The following CDH11 variants were observed in gnomAD, a reference collection of about 807,000 sequenced individuals.
The protein encoded by CDH11 is cadherin 11.
In CDH11, 11 loss-of-function variants were observed where a neutral mutation model predicts 67.8. The ratio of observed to expected loss-of-function variants is 0.16; its 90% CI spans 0.10 to 0.27. CDH11 has a LOEUF of 0.27. Among genes scored for constraint, CDH11 ranks in the 10% least tolerant of loss-of-function variants. CDH11 has a pLI of 1.00. For missense variants in CDH11, 847 were observed against 1,031.2 expected, an observed-to-expected ratio of 0.82 and a Z score of 2.45; for synonymous variants, 419 against 400.0, an observed-to-expected ratio of 1.05 and a Z score of -0.57.
intron 1 of CDH11, among the ~76,000 whole-genome samples, chr16:65,116,041 C>T (rs922065871): frequency 2.0e-5 from 3 of 152,194 alleles, no homozygotes; most frequent in Non-Finnish European, 4.4e-5. Context: ...CTTGGACTTA[C>T]TCTCTTCACC....
intron 2 of CDH11, among the ~76,000 whole-genome samples, chr16:65,047,559 C>T (rs1282084527): frequency 1.3e-5 from 2 of 151,920 alleles, no homozygotes; most frequent in Non-Finnish European, 2.9e-5. Context: ...ACCATGTTGG[C>T]CAGGATGGTC....
At position 65,005,127 on chromosome 16, in the gene CDH11, T is replaced by G. The variant is rs1454325492; in HGVS notation, c.-172-86A>C. 5 of 1,213,558 alleles carry G rather than the reference T, an allele frequency of 4.1e-6. No individual in the cohort carries two copies. The East Asian group carries it at 1.5e-4, about 37-fold the overall frequency. 75.2% of individuals were successfully genotyped at this position (1,213,558 alleles called of 1,614,324 possible). On this transcript the variant is annotated intron_variant, in intron 2 of 12. Transcript: ENST00000268603. ...TTCAGTAAGCCTTCAGGACTGGGCA[T>G]GAGTTTATCACGTGGGAGCTACGGG...
chr16:65,068,133 G>T (rs527388074), intron 1 of CDH11, among the ~76,000 whole-genome samples: 1 of 138,360 alleles, frequency 7.2e-6, no homozygotes, highest in African/African-American at 2.7e-5. Flanking sequence ...GAGGGAGGGG[G>T]CAGGGAGAGA....
intron 11 of CDH11, among the ~76,000 whole-genome samples, chr16:64,961,853 A>AT (rs2071683544): frequency 6.6e-6 from 1 of 152,132 alleles, no homozygotes; most frequent in Non-Finnish European, 1.5e-5. Context: ...TTAAACATTT[A>AT]TTTTTTAGTA....
chr16:64,955,117 G>A (rs191737232), intron 11 of CDH11, among the ~76,000 whole-genome samples: 1 of 151,920 alleles, frequency 6.6e-6, no homozygotes, highest in African/African-American at 2.4e-5. Context: ...TTGGTGGTGG[G>A]TGCCTGTAAT....
chr16:65,081,505 C>A (rs1360243606), intron 1 of CDH11, among the ~76,000 whole-genome samples: 1 of 150,780 alleles, frequency 6.6e-6, no homozygotes, highest in Non-Finnish European at 1.5e-5. Flanking sequence ...GGAGGCGGAG[C>A]TTGCAGTGAG....
intron 8 of CDH11, among the ~76,000 whole-genome samples, chr16:64,977,389 A>C (rs1013218426): frequency 2.0e-5 from 3 of 152,142 alleles, no homozygotes; most frequent in Admixed American, 2.0e-4. Flanking sequence ...CCAAATAATC[A>C]ATTGCAGATG....
In CDH11 at chr16:65,098,894, T is replaced by C. The variant is rs182567864; in HGVS notation, c.-298+22986A>G. Among the ~76,000 whole-genome samples the C allele has an allele frequency of 4.6e-5, 7 of 152,240 alleles. No individual in the cohort carries two copies. The East Asian group carries it at 1.4e-3, about 29-fold the overall frequency. ...GTAGTCTTCTAAATTTTTCTAAATA[T>C]CAGCACCTAAATCTGTTTAAAAAAG... is the stretch of plus-strand genomic sequence containing the variant. On this transcript the variant is annotated intron_variant, in intron 1 of 12. Coordinates refer to ENST00000268603, the MANE Select transcript of CDH11 (RefSeq NM_001797.4).
At chr16:65,011,028 C>A (rs939035568) in intron 2 of CDH11, among the ~76,000 whole-genome samples, 10 of 145,404 alleles carry the variant, frequency 6.9e-5, no homozygotes, top group Non-Finnish European at 9.0e-5. Flanking sequence ...TATATATATA[C>A]ACACATATGT....
At chr16:65,071,286 C>T (rs1389952705) in intron 1 of CDH11, among the ~76,000 whole-genome samples, 1 of 152,178 alleles carries the variant, frequency 6.6e-6, no homozygotes, top group African/African-American at 2.4e-5. Flanking sequence ...CACATAGCAA[C>T]GGAAAATGCC....
rs779006250 is a variant in CDH11 at position 64,982,028 on chromosome 16, TA to T, written c.1253+19del. 2 of 1,575,678 alleles carry T rather than the reference TA, an allele frequency of 1.3e-6. No individual in the cohort carries two copies. The highest frequency in any genetic ancestry group is 2.4e-5 in the South Asian group (2 of 84,502). On this transcript the variant is annotated intron_variant, in intron 8 of 12. Transcript: ENST00000268603. ...CTCTAAAATTCCCCATCCAAGCTCT[TA>T]AAATAAATCCGTCTGTACCTTATCG...
intron 4 of CDH11, among the ~76,000 whole-genome samples, chr16:64,995,573 C>A (rs2072742959): frequency 1.3e-5 from 2 of 152,156 alleles, no homozygotes; most frequent in Admixed American, 1.3e-4. Context: ...CCTACCTTTC[C>A]CCATATACAA....
At chr16:65,106,600 C>G (rs1218566662) in intron 1 of CDH11, among the ~76,000 whole-genome samples, 1 of 152,178 alleles carries the variant, frequency 6.6e-6, no homozygotes, top group East Asian at 1.9e-4. Context: ...GACCTTAATG[C>G]TGCATAACAG....
At chr16:64,963,816 GAGAGAA>G (rs1778633744) in intron 11 of CDH11, among the ~76,000 whole-genome samples, 2 of 152,124 alleles carry the variant, frequency 1.3e-5, no homozygotes, top group South Asian at 4.2e-4. Context: ...TTAAAGTATT[GAGAGAA>G]AAAAACATAC....
chr16:64,991,101 A>C (rs1294564043), intron 6 of CDH11, among the ~76,000 whole-genome samples: 1 of 152,148 alleles, frequency 6.6e-6, no homozygotes, highest in East Asian at 1.9e-4. Flanking sequence ...GAAACTTCTG[A>C]AGCTAGTTAA....
intron 11 of CDH11, among the ~76,000 whole-genome samples, chr16:64,966,940 A>C (rs2071848041): frequency 6.6e-6 from 1 of 152,206 alleles, no homozygotes; most frequent in South Asian, 2.1e-4. Context: ...GGCAAAGGAC[A>C]TAAATAGCCA....
chr16:65,037,862 G>A (rs561744126), intron 2 of CDH11, among the ~76,000 whole-genome samples: 8 of 152,242 alleles, frequency 5.3e-5, no homozygotes, highest in East Asian at 1.9e-4. Flanking sequence ...TGCCCAGTAG[G>A]AGGTAGATAA....
At chr16:65,103,880 T>C (rs1196688153) in intron 1 of CDH11, among the ~76,000 whole-genome samples, 1 of 152,188 alleles carries the variant, frequency 6.6e-6, no homozygotes, top group East Asian at 1.9e-4. Flanking sequence ...TATGTTGTAT[T>C]GTGTTATAGT....
chr16:65,095,885 CA>C (rs1182696720), intron 1 of CDH11, among the ~76,000 whole-genome samples: 21 of 152,156 alleles, frequency 1.4e-4, no homozygotes, highest in African/African-American at 5.1e-4. Context: ...AAAAGTGAAT[CA>C]AAAGAGCTCC....
Sources: allele counts gnomAD v4.1 joint callset (sites outside exome capture counted in the v4.1 genomes callset), GRCh38; gene constraint gnomAD v4.1.1; transcripts MANE v1.5; gene names NCBI Gene and HGNC (gene_info 2026-07-23, HGNC 2026-07-21).